GRIN2A: variants seen among roughly 807,000 people sequenced by gnomAD.
The protein encoded by GRIN2A is glutamate ionotropic receptor NMDA type subunit 2A.
Under a neutral mutation model 113.4 loss-of-function variants are expected in GRIN2A, and 22 were observed. That is an observed-to-expected ratio of 0.19 (90% CI 0.14 to 0.28). The LOEUF (loss-of-function observed/expected upper bound fraction) is 0.28, where lower values mean the gene tolerates loss of function less well. Among genes scored for constraint, GRIN2A ranks in the 10% least tolerant of loss-of-function variants. The pLI is 1.00. For missense variants in GRIN2A, 1,502 were observed against 1,887.0 expected (o/e 0.80, Z 3.78); for synonymous variants, 827 against 738.4 (o/e 1.12, Z -1.94).
intron 2 of GRIN2A, among the ~76,000 whole-genome samples, chr16:9,949,163 T>G (rs562017026): frequency 6.6e-6 from 1 of 152,250 alleles, no homozygotes; most frequent in Non-Finnish European, 1.5e-5. Flanking sequence ...CACCAGGTAT[T>G]TTAGGTGTCT....
chr16:9,855,035 A>C (rs1029508000), intron 4 of GRIN2A, among the ~76,000 whole-genome samples: 2 of 151,742 alleles, frequency 1.3e-5, no homozygotes, highest in African/African-American at 4.9e-5. Flanking sequence ...TGCTGTATAC[A>C]TGTACATGTA....
At chr16:10,014,258 T>A (rs1176203114) in intron 2 of GRIN2A, among the ~76,000 whole-genome samples, 1 of 152,240 alleles carries the variant, frequency 6.6e-6, no homozygotes, top group Non-Finnish European at 1.5e-5. Context: ...CTTCTCAACC[T>A]GGCACTTGTA....
intron 11 of GRIN2A, among the ~76,000 whole-genome samples, chr16:9,776,349 C>T (rs1176558643): frequency 3.7e-5 from 5 of 135,230 alleles, no homozygotes; most frequent in African/African-American, 1.4e-4. Context: ...TGAGTTTATT[C>T]AGGGCAGGGA....
intron 2 of GRIN2A, among the ~76,000 whole-genome samples, chr16:10,051,325 A>T (rs1463636309): frequency 1.3e-5 from 2 of 152,196 alleles, no homozygotes; most frequent in Non-Finnish European, 2.9e-5. Context: ...GACAGGAACA[A>T]GACACCTCCT....
intron 2 of GRIN2A, among the ~76,000 whole-genome samples, chr16:10,059,854 G>A (rs2047521443): frequency 1.3e-5 from 2 of 152,122 alleles, no homozygotes; most frequent in Non-Finnish European, 2.9e-5. Flanking sequence ...TCAGGGAAAC[G>A]GAAACCACTC....
chr16:9,772,976 G>C (rs1901372966), intron 11 of GRIN2A, among the ~76,000 whole-genome samples: 1 of 144,600 alleles, frequency 6.9e-6, no homozygotes. Flanking sequence ...ACCAATTACA[G>C]CCTGTTCCAA....
At chr16:10,009,578 A>G (rs863283) in intron 2 of GRIN2A, among the ~76,000 whole-genome samples, 132,004 of 152,070 alleles carry the variant, frequency 0.87, 57,863 homozygotes, top group African/African-American at 0.94. Flanking sequence ...GGAGACCTGG[A>G]CAGGATGGGG....
At chr16:9,878,696 A>AT (rs928300050) in intron 4 of GRIN2A, among the ~76,000 whole-genome samples, 18 of 151,260 alleles carry the variant, frequency 1.2e-4, no homozygotes, top group South Asian at 6.3e-4. Flanking sequence ...TATGAACTGC[A>AT]TTTTTTTTTG....
chr16:9,757,557 A>T lies in GRIN2A; in HGVS notation c.*5592T>A, dbSNP rs981497323. On this transcript the variant is annotated 3_prime_UTR_variant, in exon 13 of 13. Coordinates refer to ENST00000330684, the MANE Select transcript of GRIN2A (RefSeq NM_001134407.3). ...TGGGAAGAGACTATATTTTCTATTT[A>T]TTTTGCATCCCCTCCCCCACAATCC... 4.4e-6 allele frequency: 1 copy of T among 226,912 alleles called. No individual in the cohort carries two copies. The highest frequency in any genetic ancestry group is 2.2e-5 in the African/African-American group (1 of 44,954). 14.1% of individuals were successfully genotyped at this position (226,912 alleles called of 1,614,324 possible). A position where few individuals can be genotyped will look rare whatever the true frequency, so the allele number is the denominator to read the frequency against.
Position 9,760,700 on chromosome 16 carries a change from G to A in GRIN2A, c.*2449C>T. ...CTGGAGGTCTCTGTGGCATTTGGCA[G>A]CCCCCTGGGTTTAGAGGACACCAGA... On this transcript the variant is annotated 3_prime_UTR_variant, in exon 13 of 13. Transcript: ENST00000330684. 1 of 226,740 alleles carries A rather than the reference G, an allele frequency of 4.4e-6. No individual in the cohort carries two copies. The allele number at this position is 226,740 out of a possible 1,614,324, so 14.0% of individuals were successfully genotyped here. A position where few individuals can be genotyped will look rare whatever the true frequency, so the allele number is the denominator to read the frequency against.
At chr16:9,868,051 A>T (rs572086288) in intron 4 of GRIN2A, among the ~76,000 whole-genome samples, 12 of 152,284 alleles carry the variant, frequency 7.9e-5, no homozygotes, top group Middle Eastern at 3.4e-3. Flanking sequence ...CCATTAATTC[A>T]TCTCTCTTCT....
At position 9,777,563 on chromosome 16, in the gene GRIN2A, A is replaced by G. The variant is rs1020998633; in HGVS notation, c.2357-8474T>C. ...TAAAAATAGGGCTAGGCTTAAATGT[A>G]TCCAGTTAGAGGCAGGGACAGGCTG... On this transcript the variant is annotated intron_variant, in intron 11 of 12. Transcript: ENST00000330684. Among the ~76,000 whole-genome samples, 6 of 152,254 alleles carry G rather than the reference A, an allele frequency of 3.9e-5. No individual in the cohort carries two copies. In the East Asian group the frequency reaches 9.6e-4, roughly 24 times the overall value.
At chr16:9,767,138 C>A (rs951653801) in intron 12 of GRIN2A, among the ~76,000 whole-genome samples, 1 of 152,178 alleles carries the variant, frequency 6.6e-6, no homozygotes, top group Admixed American at 6.5e-5. Flanking sequence ...GGCATAATAC[C>A]TAGCTCTATG....
rs556144987 is a variant in GRIN2A, at chr16:9,895,131, A to G, written c.1008-4031T>C. On this transcript the variant is annotated intron_variant, in intron 3 of 12. Coordinates refer to ENST00000330684, the MANE Select transcript of GRIN2A (RefSeq NM_001134407.3). Reference sequence around the variant, plus strand: ...AAGGTTGGGGAGAGGGACACACAAAATAACTATAACGAAGAACAATAAGTG... The same window carrying G: ...AAGGTTGGGGAGAGGGACACACAAAGTAACTATAACGAAGAACAATAAGTG... 5.3e-5 allele frequency among the ~76,000 whole-genome samples: 8 copies of G among 152,360 alleles called. No homozygotes were observed. In the East Asian group the frequency reaches 1.2e-3, roughly 22 times the overall value.
chr16:9,883,016 G>A (rs1040269813), intron 4 of GRIN2A, among the ~76,000 whole-genome samples: 1 of 152,086 alleles, frequency 6.6e-6, no homozygotes, highest in Non-Finnish European at 1.5e-5. Flanking sequence ...TCGGGGGCAG[G>A]CGGACCTCCA....
At chr16:10,066,078 G>A (rs145373026) in intron 2 of GRIN2A, among the ~76,000 whole-genome samples, 132 of 152,282 alleles carry the variant, frequency 8.7e-4, no homozygotes, top group African/African-American at 2.9e-3. Context: ...CTCACCCCCA[G>A]CACATCTTAG....
intron 2 of GRIN2A, among the ~76,000 whole-genome samples, chr16:10,163,143 T>C (rs2049838056): frequency 6.6e-6 from 1 of 152,150 alleles, no homozygotes; most frequent in African/African-American, 2.4e-5. Context: ...TTTGGGAATC[T>C]CTTGCCCTAG....
chr16:10,006,535 A>G (rs761140724), intron 2 of GRIN2A, among the ~76,000 whole-genome samples: 36 of 152,206 alleles, frequency 2.4e-4, no homozygotes, highest in Admixed American at 7.9e-4. Context: ...TATGGAGTAC[A>G]TGAGATATTT....
chr16:10,112,042 T>C (rs2048626057), intron 2 of GRIN2A: 1 of 626,776 alleles, frequency 1.6e-6, no homozygotes, highest in Non-Finnish European at 2.9e-6. Context: ...GTGGCCATCG[T>C]CTCCCACACC....
Sources: gnomAD v4.1 joint callset for allele counts (sites outside exome capture counted in the v4.1 genomes callset) on GRCh38, gnomAD v4.1.1 for gene constraint, MANE v1.5 for transcripts, NCBI Gene and HGNC (gene_info 2026-07-23, HGNC 2026-07-21) for gene names.